The following PRELID2 variants were observed in gnomAD, a reference collection of about 807,000 sequenced individuals.
PRELID2 encodes PRELI domain-containing protein 2.
In PRELID2, 25 loss-of-function variants were observed where a neutral mutation model predicts 28.4. The ratio of observed to expected loss-of-function variants is 0.88; its 90% CI spans 0.64 to 1.23. The LOEUF (loss-of-function observed/expected upper bound fraction) is 1.23. Among genes scored for constraint, PRELID2 ranks in the 50% most tolerant of loss-of-function variants. The pLI is 0.00. For missense variants in PRELID2, 201 were observed against 214.4 expected, an observed-to-expected ratio of 0.94 and a Z score of 0.39; for synonymous variants, 76 against 71.6, an observed-to-expected ratio of 1.06 and a Z score of -0.31.
the PRELID2 span, chr5:145,381,787 T>C: frequency 2.0e-5 from 3 of 152,092 alleles, no homozygotes; most frequent in Non-Finnish European, 1.5e-5. Context: ...TAATCAACCT[T>C]CTATAACAAA....
intron 1 of PRELID2, among the ~76,000 whole-genome samples, chr5:145,625,816 T>C (rs771419222): frequency 8.5e-5 from 13 of 152,152 alleles, no homozygotes; most frequent in Non-Finnish European, 1.8e-4. Flanking sequence ...TAAAAAGGAC[T>C]ATAAATGTAC....
chr5:145,272,788 T>C, the PRELID2 span, among the ~76,000 whole-genome samples: 1 of 152,204 alleles, frequency 6.6e-6, no homozygotes, highest in Non-Finnish European at 1.5e-5. Context: ...AATAAAATCT[T>C]ATATTCCATT....
At chr5:145,273,793 T>C in the PRELID2 span, among the ~76,000 whole-genome samples, 2 of 152,038 alleles carry the variant, frequency 1.3e-5, no homozygotes, top group African/African-American at 4.8e-5. Flanking sequence ...TCCTGGGAAA[T>C]TCAGGGAAAG....
At chr5:145,742,113 A>ATGTATT (rs1756826383) in intron 1 of PRELID2, among the ~76,000 whole-genome samples, 1 of 125,306 alleles carries the variant, frequency 8.0e-6, no homozygotes, top group East Asian at 2.3e-4. Flanking sequence ...ATTATATATA[A>ATGTATT]ATAAAATTTA....
chr5:145,456,348 C>T, the PRELID2 span, among the ~76,000 whole-genome samples: 24 of 152,174 alleles, frequency 1.6e-4, no homozygotes, highest in Non-Finnish European at 1.8e-4. Flanking sequence ...TGTGTAGCGA[C>T]GCCTATAGTC....
the PRELID2 span, among the ~76,000 whole-genome samples, chr5:145,424,680 C>T: frequency 1.8e-4 from 28 of 152,292 alleles, no homozygotes; most frequent in South Asian, 2.7e-3. Flanking sequence ...AATCACCCGT[C>T]TTCTGTGTCG....
intron 1 of PRELID2, among the ~76,000 whole-genome samples, chr5:145,825,013 G>A (rs1755080468): frequency 6.6e-6 from 1 of 151,790 alleles, no homozygotes; most frequent in Non-Finnish European, 1.5e-5. Context: ...ATCACTTGAG[G>A]TTAGGAGTTT....
the PRELID2 span, among the ~76,000 whole-genome samples, chr5:145,439,791 C>T: frequency 6.6e-6 from 1 of 152,102 alleles, no homozygotes; most frequent in East Asian, 1.9e-4. Flanking sequence ...GATCTCCTAA[C>T]TTGCCTTCTA....
intron 1 of PRELID2, among the ~76,000 whole-genome samples, chr5:145,744,422 G>A (rs1284030433): frequency 6.6e-6 from 1 of 152,184 alleles, no homozygotes; most frequent in African/African-American, 2.4e-5. Context: ...CAGGGGTTGT[G>A]AGACACCCTG....
chr5:145,593,881 T>C (rs1478948232), intron 1 of PRELID2, among the ~76,000 whole-genome samples: 1 of 152,174 alleles, frequency 6.6e-6, no homozygotes, highest in African/African-American at 2.4e-5. Context: ...TCACACAAAC[T>C]GTAGAAAACA....
intron 4 of PRELID2, among the ~76,000 whole-genome samples, chr5:145,807,473 AT>A (rs1414260144): frequency 2.0e-5 from 3 of 152,034 alleles, no homozygotes; most frequent in African/African-American, 4.8e-5. Context: ...GAGCATGTCT[AT>A]TTTTTATCTT....
At chr5:145,373,426 TATG>T in the PRELID2 span, among the ~76,000 whole-genome samples, 27 of 55,720 alleles carry the variant, frequency 4.8e-4, 1 homozygote, top group Admixed American at 4.1e-3. Context: ...ATATAATATA[TATG>T]ATATTATATA....
At chr5:145,397,606 T>C in the PRELID2 span, among the ~76,000 whole-genome samples, 1 of 152,216 alleles carries the variant, frequency 6.6e-6, no homozygotes, top group Non-Finnish European at 1.5e-5. Context: ...CATTCTGCTC[T>C]GAGAGCTAAC....
chr5:145,746,837 C>T (rs555986295), intron 1 of PRELID2, among the ~76,000 whole-genome samples: 6 of 152,184 alleles, frequency 3.9e-5, no homozygotes, highest in Non-Finnish European at 7.3e-5. Context: ...AACTGTCTCT[C>T]AGACCACAGT....
chr5:145,356,664 T>C, the PRELID2 span, among the ~76,000 whole-genome samples: 1 of 152,330 alleles, frequency 6.6e-6, no homozygotes, highest in Non-Finnish European at 1.5e-5. Flanking sequence ...TGGGTATCAC[T>C]GCACATGAGA....
At chr5:145,373,348 A>T in the PRELID2 span, among the ~76,000 whole-genome samples, 1 of 97,350 alleles carries the variant, frequency 1.0e-5, no homozygotes, top group African/African-American at 4.0e-5. Flanking sequence ...ATATTACAAC[A>T]TATATAATAT....
chr5:145,652,208 G>T (rs1754310603), intron 1 of PRELID2, among the ~76,000 whole-genome samples: 1 of 152,078 alleles, frequency 6.6e-6, no homozygotes, highest in African/African-American at 2.4e-5. Flanking sequence ...TAGAAAAAAA[G>T]AATAAAAAGA....
intron 1 of PRELID2, among the ~76,000 whole-genome samples, chr5:145,730,091 G>A (rs557048829): frequency 1.4e-3 from 218 of 152,210 alleles, no homozygotes; most frequent in African/African-American, 5.1e-3. Flanking sequence ...AGCCACAAGG[G>A]GATTTATGCC....
chr5:145,454,968 A>T, the PRELID2 span, among the ~76,000 whole-genome samples: 1 of 152,058 alleles, frequency 6.6e-6, no homozygotes, highest in African/African-American at 2.4e-5. Flanking sequence ...TGCTGTGCAG[A>T]AGCTCTTTAG....
Sources: allele counts gnomAD v4.1 joint callset (sites outside exome capture counted in the v4.1 genomes callset), GRCh38; gene constraint gnomAD v4.1.1; transcripts MANE v1.5; gene names NCBI Gene and HGNC (gene_info 2026-07-23, HGNC 2026-07-21).